The following HAUS3 variants were observed in gnomAD, a reference collection of about 807,000 sequenced individuals.
HAUS3 encodes the protein HAUS augmin like complex subunit 3.
A neutral mutation model predicts 55.2 loss-of-function variants in HAUS3; 36 were observed. The ratio of observed to expected loss-of-function variants is 0.65; its 90% CI spans 0.50 to 0.86. HAUS3 has a LOEUF of 0.86. HAUS3 is among the 40% of genes least tolerant of loss of function. The probability of loss-of-function intolerance (pLI) is 0.00; values close to 1 mark genes in which losing one functional copy is unlikely to be tolerated. For missense variants in HAUS3, 752 were observed against 671.5 expected (o/e 1.12, Z -1.33); for synonymous variants, 234 against 238.6 (o/e 0.98, Z 0.18).
Position 2,230,680 on chromosome 4 carries a change from CAT to C in HAUS3, c.*1245_*1246del, listed in dbSNP as rs1343234995. 1 of 151,776 alleles carries C rather than the reference CAT, an allele frequency of 6.6e-6. No individual in the cohort carries two copies. Among genetic ancestry groups the C allele is most frequent in the Non-Finnish European group, 1.5e-5 (1 of 67,988 alleles). The allele number at this position is 151,776 out of a possible 1,614,324, so 9.4% of individuals were successfully genotyped here. On this transcript the variant is annotated 3_prime_UTR_variant, in exon 6 of 6. Coordinates refer to ENST00000443786, the MANE Select transcript of HAUS3 (RefSeq NM_001303143.2). ...TCTGATGGTTATAGCTAAAAAATTCCATAAAGACCACCCAAAACATGTAGTTT... is the reference window on the plus strand; with the variant it reads ...TCTGATGGTTATAGCTAAAAAATTCCAAAGACCACCCAAAACATGTAGTTT...
intron 5 of HAUS3, among the ~76,000 whole-genome samples, chr4:2,234,714 A>G (rs929245954): frequency 6.6e-6 from 1 of 152,236 alleles, no homozygotes; most frequent in African/African-American, 2.4e-5. Context: ...AGACAAAACA[A>G]TATCAAGAGA....
At chr4:2,235,123 A>T (rs544151312) in intron 5 of HAUS3, among the ~76,000 whole-genome samples, 12 of 152,338 alleles carry the variant, frequency 7.9e-5, no homozygotes, top group Admixed American at 6.5e-4. Context: ...TGACCTTGTG[A>T]TCCACCCGCC....
chr4:2,241,408 CCAAA>C, intron 2 of HAUS3, 108 bp downstream of exon 2: 1 of 721,556 alleles, frequency 1.4e-6, no homozygotes. Flanking sequence ...ATAAATGGAT[CCAAA>C]CAAACCCAAG....
rs139335198 is a variant in HAUS3, at chr4:2,238,730, A to G, written c.1223T>C (p.Leu408Ser). 2.0e-5 allele frequency: 32 copies of G among 1,613,690 alleles called. No homozygotes were observed. The highest frequency in any genetic ancestry group is 2.6e-5 in the Non-Finnish European group (31 of 1,179,792). ...HRDIYRQLEN[L>S]VQELSQSNMM... ...GTTACTTTGACTAAGTTCTTGAACC[A>G]AATTTTCAAGTTGACGATATATGTC... The change falls in exon 4 of 6, where the codon TTG becomes TCG. Residue 408 changes from leucine (L) to serine (S), a missense_variant. Physicochemically the swap from Leu to Ser is moderately radical, Grantham distance 145. Coordinates refer to ENST00000443786, the MANE Select transcript of HAUS3 (RefSeq NM_001303143.2).
chr4:2,232,702 CAT>C lies in HAUS3; in HGVS notation c.1579-544_1579-543del, dbSNP rs532091339. Among the ~76,000 whole-genome samples, 608 of 152,260 alleles carry C rather than the reference CAT, an allele frequency of 4.0e-3. 5 individuals are homozygous for C. Among genetic ancestry groups the C allele is most frequent in the African/African-American group, 0.014 (571 of 41,556 alleles). On this transcript the variant is annotated intron_variant, in intron 5 of 5. Coordinates refer to ENST00000443786, the MANE Select transcript of HAUS3 (RefSeq NM_001303143.2). ...GACATTCCACGAAAACCATCCTAATCATATAATTTTCCTGCTCAAGAATCTAG... is the reference window on the plus strand; with the variant it reads ...GACATTCCACGAAAACCATCCTAATCATAATTTTCCTGCTCAAGAATCTAG...
At position 2,241,935 on chromosome 4, in the gene HAUS3, G is replaced by A. The variant is rs374197772; in HGVS notation, c.-419+116C>T. 6.3e-5 allele frequency: 62 copies of A among 985,576 alleles called. 1 individual carries two copies. The East Asian group carries it at 1.6e-3, about 25-fold the overall frequency. The allele number at this position is 985,576 out of a possible 1,614,324, so 61.1% of individuals were successfully genotyped here. On this transcript the variant is annotated intron_variant, in intron 1 of 5. Coordinates refer to ENST00000443786, the MANE Select transcript of HAUS3 (RefSeq NM_001303143.2). ...TCCCCGGGCAGCTGCTGGAGCACCT[G>A]GAAGGAGCCCCCAGGAGCGCAGGAA...
In HAUS3 at chr4:2,241,590, C is replaced by G; in HGVS notation, c.-218G>C. The G allele has an allele frequency of 1.0e-6, 1 of 985,728 alleles. No individual in the cohort carries two copies. 61.1% of individuals were successfully genotyped at this position (985,728 alleles called of 1,614,324 possible). A position where few individuals can be genotyped will look rare whatever the true frequency, so the allele number is the denominator to read the frequency against. On this transcript the variant is annotated 5_prime_UTR_variant, in exon 2 of 6. Coordinates refer to ENST00000443786, the MANE Select transcript of HAUS3 (RefSeq NM_001303143.2). ...GCGACGCGGAGAACAGCAGGAGCAG[C>G]AGGGAAGCGCGCGGCCACAATTAAG...
Position 2,241,581 on chromosome 4 carries a change from C to T in HAUS3, c.-209G>A. ...TCCACCACCGCGACGCGGAGAACAG[C>T]AGGAGCAGCAGGGAAGCGCGCGGCC... On this transcript the variant is annotated 5_prime_UTR_variant, in exon 2 of 6. Transcript: ENST00000443786. The T allele has an allele frequency of 2.0e-6, 2 of 985,750 alleles. No homozygotes were observed. Among genetic ancestry groups the T allele is most frequent in the Non-Finnish European group, 2.4e-6 (2 of 830,166 alleles). 61.1% of individuals were successfully genotyped at this position (985,750 alleles called of 1,614,324 possible).
At chr4:2,232,626 A>G (rs953784794) in intron 5 of HAUS3, among the ~76,000 whole-genome samples, 1 of 152,168 alleles carries the variant, frequency 6.6e-6, no homozygotes, top group African/African-American at 2.4e-5. Context: ...GCTCAACACA[A>G]ATCTCCATTT....
In HAUS3 at chr4:2,239,014, T is replaced by C; in HGVS notation, c.939A>G (p.Lys313=). The change falls in exon 4 of 6, where the codon AAA becomes AAG. Residue 313 remains lysine, a synonymous_variant. Coordinates refer to ENST00000443786, the MANE Select transcript of HAUS3 (RefSeq NM_001303143.2). ...TAATCTCACTGGTCAAGCTAGAAAT[T>C]TTAGCATCCAAATTTTCTTTGTCCA... ...KAVDKENLDA[K]ISSLTSEIMK... The C allele has an allele frequency of 6.5e-7, 1 of 1,540,270 alleles. No homozygotes were observed. Among genetic ancestry groups the C allele is most frequent in the East Asian group, 2.3e-5 (1 of 44,300 alleles).
rs910625666 is a variant in HAUS3 at position 2,231,024 on chromosome 4, G to C, written c.*903C>G. On this transcript the variant is annotated 3_prime_UTR_variant, in exon 6 of 6. Transcript: ENST00000443786. ...TTTGAAAGTCATTTATGATGTGTAA[G>C]TCACATTAAAGTCAAAGCACTGCTC... The C allele has an allele frequency of 6.6e-6, 1 of 152,178 alleles. No homozygotes were observed. Among genetic ancestry groups the C allele is most frequent in the East Asian group, 1.9e-4 (1 of 5,188 alleles). The allele number at this position is 152,178 out of a possible 1,614,324, so 9.4% of individuals were successfully genotyped here.
In HAUS3 at chr4:2,234,908, C is replaced by A. The variant is rs538501521; in HGVS notation, c.1578+1320G>T. Among the ~76,000 whole-genome samples the A allele has an allele frequency of 2.6e-5, 4 of 152,216 alleles. No individual in the cohort carries two copies. The East Asian group carries it at 7.7e-4, about 29-fold the overall frequency. ...GGAGAAATTTTCTTCTTTTTTGACA[C>A]CAAGTCTTGCTCTGTCGCCCAGGCT... On this transcript the variant is annotated intron_variant, in intron 5 of 5. Coordinates refer to ENST00000443786, the MANE Select transcript of HAUS3 (RefSeq NM_001303143.2).
intron 4 of HAUS3, 63 bp downstream of exon 4, chr4:2,238,541 C>T (rs748573609): frequency 1.8e-6 from 2 of 1,081,910 alleles, no homozygotes; most frequent in Non-Finnish European, 2.5e-6. Context: ...AGCTCAAACT[C>T]TCTCTAGTAT....
chr4:2,232,239 G>C, intron 5 of HAUS3, 79 bp from the exon 6 acceptor site: 1 of 681,514 alleles, frequency 1.5e-6, no homozygotes, highest in East Asian at 3.3e-5. Flanking sequence ...TAATTTACAT[G>C]GAAAGACTTT....
In HAUS3 at chr4:2,232,069, CTTT is replaced by C; in HGVS notation, c.1667_1669del (p.Lys556del). On this transcript the variant is annotated inframe_deletion, in exon 6 of 6. Transcript: ENST00000443786. ...TAATTTATTATTTGCCAAAGTTTTT[CTTT>C]TTGTCTTCACATCAGCAAGAATATC... 2 of 1,596,706 alleles carry C rather than the reference CTTT, an allele frequency of 1.3e-6. No homozygotes were observed. The highest frequency in any genetic ancestry group is 1.7e-6 in the Non-Finnish European group (2 of 1,168,696).
intron 5 of HAUS3, among the ~76,000 whole-genome samples, chr4:2,236,002 T>C (rs367870899): frequency 4.6e-5 from 7 of 152,192 alleles, no homozygotes; most frequent in East Asian, 3.8e-4. Flanking sequence ...ACATATTCTT[T>C]TGTGTCTGAA....
At position 2,238,766 on chromosome 4, in the gene HAUS3, C is replaced by T; in HGVS notation, c.1187G>A (p.Arg396Lys). The T allele has an allele frequency of 1.2e-6, 2 of 1,613,780 alleles. No homozygotes were observed. Among genetic ancestry groups the T allele is most frequent in the Non-Finnish European group, 1.7e-6 (2 of 1,179,848 alleles). ...LLQLSYEIEL[R>K]KHRDIYRQLE... ...TTGACGATATATGTCCCGATGCTTT[C>T]TTAATTCAATTTCATATGATAACTG... Residue 396 changes from arginine to lysine, a missense_variant, in exon 4 of 6, where the codon AGA (arginine) becomes AAA (lysine). Transcript: ENST00000443786.
intron 3 of HAUS3, among the ~76,000 whole-genome samples, 181 bp downstream of exon 3, chr4:2,239,857 A>G (rs1228598816): frequency 2.0e-5 from 3 of 152,236 alleles, no homozygotes; most frequent in Non-Finnish European, 4.4e-5. Flanking sequence ...GCTGCCCTCC[A>G]TTAACGTATG....
chr4:2,240,714 T>C lies in HAUS3; in HGVS notation c.233A>G (p.Asp78Gly), dbSNP rs1162448586. ...AGTTTTACACGTTTTAAGAGCTTCA[T>C]CCAATGCCGCCCCTTCTAGAATAGG... ...GKPILEGAAL[D>G]EALKTCKTSD... is the part of the protein sequence containing the mutation. The change falls in exon 3 of 6, where the codon GAT becomes GGT. Residue 78 changes from aspartate to glycine, a missense_variant. Physicochemically the swap from Asp to Gly is moderately conservative, Grantham distance 94 (BLOSUM62 -1). Coordinates refer to ENST00000443786, the MANE Select transcript of HAUS3 (RefSeq NM_001303143.2). 2 of 1,614,084 alleles carry C rather than the reference T, an allele frequency of 1.2e-6. No homozygotes were observed. The highest frequency in any genetic ancestry group is 1.7e-6 in the Non-Finnish European group (2 of 1,180,002).
Sources: gnomAD v4.1 joint callset for allele counts (sites outside exome capture counted in the v4.1 genomes callset) on GRCh38, gnomAD v4.1.1 for gene constraint, MANE v1.5 for transcripts, NCBI Gene and HGNC (gene_info 2026-07-23, HGNC 2026-07-21) for gene names.